The following BTK variants were observed in gnomAD, a reference collection of about 807,000 sequenced individuals.
BTK encodes Bruton tyrosine kinase.
Under a neutral mutation model 57.4 loss-of-function variants are expected in BTK, and 5 were observed. The ratio of observed to expected loss-of-function variants is 0.09; its 90% CI spans 0.05 to 0.18. BTK has a LOEUF of 0.18. Among genes scored for constraint, BTK ranks in the 10% least tolerant of loss-of-function variants. BTK has a pLI of 1.00. For synonymous variants in BTK, 154 were observed against 174.3 expected, an observed-to-expected ratio of 0.88 and a Z score of 0.92; for missense variants, 194 against 501.2, an observed-to-expected ratio of 0.39 and a Z score of 5.85.
intron 1 of BTK, among the ~76,000 whole-genome samples, chrX:101,378,374 G>A (rs1435304235): frequency 9.0e-6 from 1 of 111,335 alleles, no homozygotes; most frequent in Non-Finnish European, 1.9e-5. Context: ...ATGAGCCACC[G>A]TGCCTGGCCA....
chrX:101,356,026 C>T, intron 15 of BTK, 26 bp downstream of exon 15: 1 of 1,200,777 alleles, frequency 8.3e-7, no homozygotes, highest in Non-Finnish European at 1.1e-6. Context: ...GCCCTTTGTC[C>T]TAGGCCAATC....
At chrX:101,366,650 A>T (rs917617982) in intron 5 of BTK, among the ~76,000 whole-genome samples, 9 of 112,110 alleles carry the variant, frequency 8.0e-5, no homozygotes, top group Admixed American at 4.7e-4. Flanking sequence ...ATCTCCCAGC[A>T]ATCATGGTAT....
In BTK at chrX:101,353,259, G is replaced by A. The variant is rs1603001680; in HGVS notation, c.1843C>T (p.Arg615Cys). Residue 615 changes from arginine to cysteine, a missense_variant, in exon 18 of 19, where the codon CGT becomes TGT. This residue lies in a region of BTK where 79 missense variants were observed against 217.7 expected (regional missense o/e 0.36). Transcript: ENST00000308731. ...GAAGCCAGATGAGGCCTGTAGAGAC[G>A]TAGGCCTTGGGCAATGTGTTCAGCA... ...ETAEHIAQGL[R>C]LYRPHLASEK... 1 of 1,207,864 alleles carries A rather than the reference G, an allele frequency of 8.3e-7. No individual in the cohort carries two copies. The highest frequency in any genetic ancestry group is 1.1e-6 in the Non-Finnish European group (1 of 892,419).
At chrX:101,359,193 T>C in intron 10 of BTK, 100 bp downstream of exon 10, 1 of 947,665 alleles carries the variant, frequency 1.1e-6, no homozygotes, top group Non-Finnish European at 1.5e-6. Flanking sequence ...ATGGCAGCTT[T>C]GACACTGCCT....
chrX:101,354,942 G>C (rs1926420174), intron 15 of BTK, among the ~76,000 whole-genome samples: 1 of 111,950 alleles, frequency 8.9e-6, no homozygotes, highest in African/African-American at 3.2e-5. Context: ...CATTCTCATG[G>C]GCAATTCCAC....
chrX:101,364,420 A>AG (rs782768247), intron 5 of BTK, among the ~76,000 whole-genome samples: 1 of 106,409 alleles, frequency 9.4e-6, no homozygotes, highest in Admixed American at 1.0e-4. Flanking sequence ...AAAAAAAAAA[A>AG]AAAAGAAAAG....
At chrX:101,358,064 A>C in intron 12 of BTK, 1 of 491,213 alleles carries the variant, frequency 2.0e-6, no homozygotes, top group South Asian at 2.5e-5. Flanking sequence ...CTGATGAATC[A>C]GTCACCAGCC....
intron 18 of BTK, among the ~76,000 whole-genome samples, chrX:101,351,026 C>T (rs781811240): frequency 3.6e-5 from 4 of 111,674 alleles, no homozygotes; most frequent in African/African-American, 1.3e-4. Flanking sequence ...GACACAGTCT[C>T]GCTCTGTCAC....
At chrX:101,387,668 A>G (rs1007320147), upstream of BTK, among the ~76,000 whole-genome samples, 2 of 110,719 alleles carry the variant, frequency 1.8e-5, no homozygotes, top group Non-Finnish European at 3.8e-5. Context: ...AGGACTTTAA[A>G]TAAAAACATT....
chrX:101,380,463 A>G (rs1324480002), intron 1 of BTK, among the ~76,000 whole-genome samples: 3 of 111,323 alleles, frequency 2.7e-5, no homozygotes, highest in Non-Finnish European at 5.7e-5. Context: ...TACAGGGACT[A>G]TAACATTACA....
rs368302811 is a variant in BTK, at chrX:101,375,120, A to G, written c.141+24T>C. ...CCAAGTCCTTGATATCTTGAAACTC[A>G]GTTTTCATAGTCGAGAAACTTACCC... On this transcript the variant is annotated intron_variant, in intron 2 of 18. Coordinates refer to ENST00000308731, the MANE Select transcript of BTK (RefSeq NM_000061.3). 3 of 1,208,470 alleles carry G rather than the reference A, an allele frequency of 2.5e-6. No homozygotes were observed. In the African/African-American group the frequency reaches 5.3e-5, roughly 21 times the overall value.
chrX:101,353,584 T>C (rs980807112), intron 17 of BTK, among the ~76,000 whole-genome samples: 11 of 111,758 alleles, frequency 9.8e-5, no homozygotes, highest in African/African-American at 3.3e-4. Context: ...TTTGCAGTTA[T>C]AGGGTCTGGC....
rs782269029 is a variant in BTK at position 101,362,667 on chromosome X, C to A, written c.414G>T (p.Leu138=). 5.8e-6 allele frequency: 7 copies of A among 1,212,007 alleles called. No homozygotes were observed. Among genetic ancestry groups the A allele is most frequent in the South Asian group, 3.5e-5 (2 of 57,025 alleles). The change falls in exon 6 of 19, where the codon CTG becomes CTT. Residue 138 remains leucine, a synonymous_variant. Coordinates refer to ENST00000308731, the MANE Select transcript of BTK (RefSeq NM_000061.3). The part of the protein sequence containing the change: ...LKNVIRYNSD[L]VQKYHPCFWI... ...AGAAGCAAGGGTGATATTTCTGAAC[C>A]AGATCACTGTTGTACCGGATTACTG...
chrX:101,358,022 T>C (rs1178338560), intron 12 of BTK: 1 of 445,970 alleles, frequency 2.2e-6, no homozygotes, highest in African/African-American at 2.4e-5. Context: ...AGGAAATCGC[T>C]GAGTACACAG....
chrX:101,390,512 C>T (rs1410616492), upstream of BTK: 6 of 514,243 alleles, frequency 1.2e-5, no homozygotes, highest in Non-Finnish European at 2.1e-5. Context: ...ACATAATGGG[C>T]ATCCAATAAC....
chrX:101,349,642 G>T lies in BTK; in HGVS notation c.*243C>A. On this transcript the variant is annotated 3_prime_UTR_variant, in exon 19 of 19. Transcript: ENST00000308731. ...CTCCCTCCTAAAAAATATTTTCATC[G>T]CAAATTCAGTCTGTCTTAATTCTCT... The T allele has an allele frequency of 2.7e-6, 1 of 366,232 alleles. No homozygotes were observed. Among genetic ancestry groups the T allele is most frequent in the Non-Finnish European group, 4.8e-6 (1 of 210,341 alleles). 30.2% of individuals were successfully genotyped at this position (366,232 alleles called of 1,213,427 possible).
intron 1 of BTK, among the ~76,000 whole-genome samples, chrX:101,381,905 AC>A (rs1927444023): frequency 9.3e-6 from 1 of 107,321 alleles, no homozygotes; most frequent in African/African-American, 3.4e-5. Context: ...GGTGGCGCGC[AC>A]CTGTAATCCC....
upstream of BTK, among the ~76,000 whole-genome samples, chrX:101,389,162 T>A (rs782427605): frequency 8.9e-6 from 1 of 111,801 alleles, no homozygotes; most frequent in African/African-American, 3.3e-5. Flanking sequence ...GGATGATAGA[T>A]GTGTTAATCA....
At chrX:101,379,310 T>C (rs1927332956) in intron 1 of BTK, among the ~76,000 whole-genome samples, 1 of 111,970 alleles carries the variant, frequency 8.9e-6, no homozygotes, top group South Asian at 3.7e-4. Flanking sequence ...AATGACTACT[T>C]AGCCAAAATA....
Sources: gnomAD v4.1 joint callset for allele counts (sites outside exome capture counted in the v4.1 genomes callset) on GRCh38, gnomAD v4.1.1 for gene constraint, gnomAD v4.1.1 regional missense constraint, MANE v1.5 for transcripts, NCBI Gene and HGNC (gene_info 2026-07-23, HGNC 2026-07-21) for gene names.